The following POU2F3 variants were observed in gnomAD, a reference collection of about 807,000 sequenced individuals.
The protein encoded by POU2F3 is POU class 2 homeobox 3.
A neutral mutation model predicts 59.2 loss-of-function variants in POU2F3; 23 were observed. That is an observed-to-expected ratio of 0.39 (90% confidence interval 0.28 to 0.55). The LOEUF (loss-of-function observed/expected upper bound fraction) is 0.55. Among genes scored for constraint, POU2F3 ranks in the 20% least tolerant of loss-of-function variants. The pLI is 0.66. For missense variants in POU2F3, 473 were observed against 544.5 expected (o/e 0.87, Z 1.31); for synonymous variants, 190 against 214.6 (o/e 0.89, Z 1.00).
chr11:120,278,933 C>T (rs1358770375), intron 3 of POU2F3, among the ~76,000 whole-genome samples: 2 of 152,140 alleles, frequency 1.3e-5, no homozygotes, highest in East Asian at 1.9e-4. Flanking sequence ...TTAAATAACT[C>T]CCTTCTCCAA....
chr11:120,279,391 C>G (rs181052187), intron 3 of POU2F3, among the ~76,000 whole-genome samples: 7 of 152,220 alleles, frequency 4.6e-5, no homozygotes, highest in African/African-American at 1.7e-4. Context: ...TATACAATAA[C>G]GCACCAATAA....
intron 3 of POU2F3, among the ~76,000 whole-genome samples, chr11:120,291,177 C>T (rs11217793): frequency 0.22 from 32,770 of 152,128 alleles, 4,159 homozygotes; most frequent in Admixed American, 0.42. Flanking sequence ...CTTTTGACTG[C>T]GACTAAATCT....
chr11:120,297,536 A>T (rs774206823), intron 3 of POU2F3, among the ~76,000 whole-genome samples: 24 of 152,166 alleles, frequency 1.6e-4, no homozygotes, highest in Admixed American at 4.6e-4. Context: ...TGAGATGGGG[A>T]GGGAGACTCC....
upstream of POU2F3, among the ~76,000 whole-genome samples, chr11:120,237,122 G>A (rs918747292): frequency 2.0e-5 from 3 of 152,184 alleles, no homozygotes; most frequent in Non-Finnish European, 2.9e-5. Context: ...TACTAGCTGC[G>A]TTTACTTCTC....
intron 2 of POU2F3, among the ~76,000 whole-genome samples, chr11:120,259,598 A>G (rs553207776): frequency 1.3e-5 from 2 of 152,280 alleles, no homozygotes; most frequent in African/African-American, 4.8e-5. Context: ...CCTGGGTCCT[A>G]TTCTTCAGGT....
At chr11:120,316,078 T>G (rs1941781875) in intron 11 of POU2F3, among the ~76,000 whole-genome samples, 1 of 152,046 alleles carries the variant, frequency 6.6e-6, no homozygotes, top group Non-Finnish European at 1.5e-5. Context: ...TTCTCCATGT[T>G]GGTCAGGCTG....
chr11:120,265,249 A>G (rs2135182630), intron 2 of POU2F3: 1 of 152,356 alleles, frequency 6.6e-6, no homozygotes, highest in South Asian at 2.1e-4. Flanking sequence ...CCTCCAGTAG[A>G]CTATGTCCCT....
At chr11:120,239,051 A>T (rs1390413379), upstream of POU2F3, among the ~76,000 whole-genome samples, 1 of 152,148 alleles carries the variant, frequency 6.6e-6, no homozygotes, top group African/African-American at 2.4e-5. Context: ...GCATGACTGG[A>T]GTGCACGGTG....
intron 9 of POU2F3, among the ~76,000 whole-genome samples, chr11:120,309,129 C>A (rs181058819): frequency 4.5e-4 from 68 of 152,100 alleles, no homozygotes; most frequent in Middle Eastern, 3.4e-3. Flanking sequence ...CTATGGAGAC[C>A]CTACTTTGTA....
chr11:120,312,390 T>TAGGATTAC (rs1361997109), intron 10 of POU2F3, among the ~76,000 whole-genome samples: 4 of 152,134 alleles, frequency 2.6e-5, no homozygotes, highest in Non-Finnish European at 2.9e-5. Flanking sequence ...CCCAAAGTGC[T>TAGGATTAC]AGGATTACAG....
intron 8 of POU2F3, 101 bp from the exon 9 acceptor site, chr11:120,307,378 T>C: frequency 1.4e-6 from 2 of 1,397,584 alleles, no homozygotes; most frequent in South Asian, 1.3e-5. Context: ...AAAATGCCAC[T>C]GCAGAGCCCA....
chr11:120,271,525 C>G (rs547838077), intron 3 of POU2F3, among the ~76,000 whole-genome samples: 1 of 152,244 alleles, frequency 6.6e-6, no homozygotes, highest in African/African-American at 2.4e-5. Context: ...CTGGCCCCAG[C>G]CCCTTGGGAC....
upstream of POU2F3, among the ~76,000 whole-genome samples, chr11:120,238,827 TAAAAAAAAAAAA>T (rs56948018): frequency 1.0e-4 from 5 of 48,340 alleles, no homozygotes; most frequent in South Asian, 9.4e-4. Flanking sequence ...AGACTCTGTC[TAAAAAAAAAAAA>T]AAAAAAAAAA....
At chr11:120,290,064 GACC>G (rs1203084484) in intron 3 of POU2F3, among the ~76,000 whole-genome samples, 1 of 152,188 alleles carries the variant, frequency 6.6e-6, no homozygotes, top group Non-Finnish European at 1.5e-5. Flanking sequence ...CCACACAGAA[GACC>G]ACCTTTTCCA....
At chr11:120,307,164 G>A (rs1000327966) in intron 8 of POU2F3, among the ~76,000 whole-genome samples, 6 of 152,172 alleles carry the variant, frequency 3.9e-5, no homozygotes, top group African/African-American at 9.7e-5. Context: ...ATGTGTCACC[G>A]ATGCATGAGC....
chr11:120,307,401 G>A, intron 8 of POU2F3, 78 bp from the exon 9 acceptor site: 1 of 1,531,270 alleles, frequency 6.5e-7, no homozygotes, highest in Non-Finnish European at 9.0e-7. Context: ...GGGAAGGGTT[G>A]TTGGACCTCA....
intron 1 of POU2F3, among the ~76,000 whole-genome samples, chr11:120,240,717 G>A (rs1013640272): frequency 3.9e-5 from 6 of 152,200 alleles, no homozygotes; most frequent in African/African-American, 1.4e-4. Context: ...CACTCAGCCA[G>A]GGGTGTGGAC....
chr11:120,260,029 C>A (rs1939523559), intron 2 of POU2F3, among the ~76,000 whole-genome samples: 1 of 152,212 alleles, frequency 6.6e-6, no homozygotes, highest in African/African-American at 2.4e-5. Flanking sequence ...CAGGAAATGC[C>A]AGCAAGGTGC....
chr11:120,302,178 G>A, intron 5 of POU2F3, 108 bp from the exon 6 acceptor site: 5 of 906,512 alleles, frequency 5.5e-6, no homozygotes, highest in South Asian at 1.6e-5. Context: ...GACCTGATCA[G>A]GTGGCAGGGG....
Sources: allele counts gnomAD v4.1 joint callset (sites outside exome capture counted in the v4.1 genomes callset), GRCh38; gene constraint gnomAD v4.1.1; transcripts MANE v1.5; gene names NCBI Gene and HGNC (gene_info 2026-07-23, HGNC 2026-07-21).